SPATA6: variants seen among roughly 807,000 people sequenced by gnomAD.
SPATA6 encodes spermatogenesis associated 6.
A neutral mutation model predicts 65.3 loss-of-function variants in SPATA6; 56 were observed. The ratio of observed to expected loss-of-function variants is 0.86; its 90% CI spans 0.69 to 1.07. The LOEUF (loss-of-function observed/expected upper bound fraction) is 1.07. SPATA6 is among the 50% of genes least tolerant of loss of function. SPATA6 has a pLI of 0.00. For synonymous variants in SPATA6, 199 were observed against 213.2 expected (o/e 0.93, Z 0.58); for missense variants, 590 against 594.8 (o/e 0.99, Z 0.08).
At chr1:48,400,704 GAA>G in intron 6 of SPATA6, 1 of 1,123,868 alleles carries the variant, frequency 8.9e-7, no homozygotes, top group Non-Finnish European at 1.2e-6. Flanking sequence ...ACACAGAAAA[GAA>G]AATTAATTTT....
chr1:48,284,486 T>C, the SPATA6 span, among the ~76,000 whole-genome samples: 2 of 152,194 alleles, frequency 1.3e-5, no homozygotes, highest in Non-Finnish European at 2.9e-5. Flanking sequence ...GGAGGAGTTG[T>C]GATCATTTGG....
intron 9 of SPATA6, among the ~76,000 whole-genome samples, chr1:48,369,869 C>T (rs749076754): frequency 6.6e-6 from 1 of 152,190 alleles, no homozygotes; most frequent in Non-Finnish European, 1.5e-5. Context: ...TTTTCTGCGT[C>T]GCTCACGCTG....
the SPATA6 span, among the ~76,000 whole-genome samples, chr1:48,268,330 GTGTT>G: frequency 2.1e-5 from 3 of 140,552 alleles, no homozygotes; most frequent in Non-Finnish European, 4.7e-5. Flanking sequence ...GTGTGTGTGT[GTGTT>G]TGTGTGTGTG....
chr1:48,412,036 A>AT (rs1652293042), intron 4 of SPATA6, among the ~76,000 whole-genome samples: 1 of 151,878 alleles, frequency 6.6e-6, no homozygotes, highest in East Asian at 1.9e-4. Flanking sequence ...CTAGCTATAT[A>AT]TTTTTAGTAG....
the SPATA6 span, among the ~76,000 whole-genome samples, chr1:48,280,640 T>G: frequency 4.6e-5 from 7 of 152,130 alleles, no homozygotes; most frequent in African/African-American, 1.7e-4. Context: ...CAGGAAGAAA[T>G]TGACTCTCTG....
At chr1:48,365,696 G>A (rs1160400353) in intron 9 of SPATA6, among the ~76,000 whole-genome samples, 1 of 152,168 alleles carries the variant, frequency 6.6e-6, no homozygotes, top group East Asian at 1.9e-4. Flanking sequence ...ATTTTGGGCT[G>A]AGATGATGGG....
chr1:48,310,506 T>C (rs766432128), intron 11 of SPATA6, among the ~76,000 whole-genome samples: 1 of 152,132 alleles, frequency 6.6e-6, no homozygotes, highest in Non-Finnish European at 1.5e-5. Context: ...TTTGCTTGAG[T>C]TTCTAGAGAT....
chr1:48,307,295 T>C (rs1198635873), intron 11 of SPATA6, among the ~76,000 whole-genome samples: 2 of 150,410 alleles, frequency 1.3e-5, no homozygotes, highest in African/African-American at 2.4e-5. Flanking sequence ...AAGGAACAGA[T>C]TAGCTTAAAA....
intron 11 of SPATA6, among the ~76,000 whole-genome samples, chr1:48,319,843 C>A (rs936293545): frequency 6.6e-6 from 1 of 152,144 alleles, no homozygotes; most frequent in East Asian, 1.9e-4. Context: ...AACTGCTGCA[C>A]CCAACCAAGG....
At chr1:48,354,464 C>T (rs1386504854) in intron 11 of SPATA6, among the ~76,000 whole-genome samples, 1 of 152,054 alleles carries the variant, frequency 6.6e-6, no homozygotes, top group African/African-American at 2.4e-5. Flanking sequence ...ATAGCCCAAA[C>T]CCAAAACAAA....
intron 7 of SPATA6, among the ~76,000 whole-genome samples, chr1:48,395,756 T>C (rs1650527710): frequency 6.6e-6 from 1 of 151,910 alleles, no homozygotes; most frequent in Non-Finnish European, 1.5e-5. Flanking sequence ...CAGTCTTTAT[T>C]TGGCTGCTTT....
rs1644834667 is a variant in SPATA6 at position 48,297,394 on chromosome 1, A to G, written c.*1319T>C. 2 of 152,138 alleles carry G rather than the reference A, an allele frequency of 1.3e-5. No homozygotes were observed. The highest frequency in any genetic ancestry group is 4.1e-4 in the South Asian group (2 of 4,830). 9.4% of individuals were successfully genotyped at this position (152,138 alleles called of 1,614,324 possible). On this transcript the variant is annotated 3_prime_UTR_variant, in exon 13 of 13. Coordinates refer to ENST00000371847, the MANE Select transcript of SPATA6 (RefSeq NM_019073.4). The stretch of plus-strand genomic sequence containing the variant: ...AAAGCCTAGGACTCCTGGCTCATAG[A>G]GATAGCTCTAATGCCCTTTCTGATA...
At chr1:48,318,787 C>T (rs971321972) in intron 11 of SPATA6, among the ~76,000 whole-genome samples, 1 of 151,932 alleles carries the variant, frequency 6.6e-6, no homozygotes, top group Non-Finnish European at 1.5e-5. Context: ...AAAATTCATA[C>T]AGAAATGCAA....
At chr1:48,442,033 T>C (rs550549422) in intron 3 of SPATA6, among the ~76,000 whole-genome samples, 33 of 152,192 alleles carry the variant, frequency 2.2e-4, no homozygotes, top group Non-Finnish European at 4.6e-4. Context: ...CAACAAATTA[T>C]AGTCCAGACT....
At chr1:48,335,996 A>AAGGCAT (rs1482869771) in intron 11 of SPATA6, among the ~76,000 whole-genome samples, 3 of 152,210 alleles carry the variant, frequency 2.0e-5, no homozygotes, top group African/African-American at 7.2e-5. Context: ...TTTTGAAAAG[A>AAGGCAT]AGGCATACAA....
intron 6 of SPATA6, among the ~76,000 whole-genome samples, chr1:48,403,043 G>T (rs1651324549): frequency 6.6e-6 from 1 of 151,900 alleles, no homozygotes; most frequent in Non-Finnish European, 1.5e-5. Flanking sequence ...GCGTATTGTG[G>T]CATGTACCTG....
chr1:48,301,690 A>T (rs1174731964), intron 12 of SPATA6, among the ~76,000 whole-genome samples: 2 of 152,184 alleles, frequency 1.3e-5, no homozygotes, highest in African/African-American at 4.8e-5. Context: ...CGAATAGACT[A>T]ATGGAACAGA....
chr1:48,328,618 G>T (rs1332442350), intron 11 of SPATA6, among the ~76,000 whole-genome samples: 2 of 152,016 alleles, frequency 1.3e-5, no homozygotes, highest in Non-Finnish European at 2.9e-5. Flanking sequence ...GGGGGAGAAT[G>T]GTACTTCACT....
chr1:48,431,221 C>T (rs1000733363), intron 3 of SPATA6, among the ~76,000 whole-genome samples: 1 of 151,840 alleles, frequency 6.6e-6, no homozygotes, highest in African/African-American at 2.4e-5. Context: ...AAAGATGTAA[C>T]AATTGTAAAC....
Sources: allele counts gnomAD v4.1 joint callset (sites outside exome capture counted in the v4.1 genomes callset), GRCh38; gene constraint gnomAD v4.1.1; transcripts MANE v1.5; gene names NCBI Gene and HGNC (gene_info 2026-07-23, HGNC 2026-07-21).